Variants in ZDHHC7 observed in about 807,000 individuals in gnomAD.
ZDHHC7 encodes the protein zDHHC palmitoyltransferase 7.
In ZDHHC7, 12 loss-of-function variants were observed where a neutral mutation model predicts 34.1. The ratio of observed to expected loss-of-function variants is 0.35; its 90% CI spans 0.23 to 0.57. ZDHHC7 has a LOEUF of 0.57. Ranked by LOEUF, ZDHHC7 falls within the 20% of genes least tolerant of loss-of-function variation. The pLI, the probability that ZDHHC7 is intolerant of heterozygous loss-of-function variation, is 0.84. For synonymous variants in ZDHHC7, 185 were observed against 155.4 expected, an observed-to-expected ratio of 1.19 and a Z score of -1.42; for missense variants, 388 against 402.7, an observed-to-expected ratio of 0.96 and a Z score of 0.31.
At chr16:85,000,208 G>A (rs1317094815) in intron 1 of ZDHHC7, among the ~76,000 whole-genome samples, 1 of 152,122 alleles carries the variant, frequency 6.6e-6, no homozygotes, top group Non-Finnish European at 1.5e-5. Flanking sequence ...AACATGAGCA[G>A]GAGAAAAAAT....
At chr16:85,006,091 T>TGGC (rs1567507029) in intron 1 of ZDHHC7, among the ~76,000 whole-genome samples, 1 of 152,046 alleles carries the variant, frequency 6.6e-6, no homozygotes, top group African/African-American at 2.4e-5. Flanking sequence ...AGGCCAGAGG[T>TGGC]GGCGGCTCAC....
At chr16:85,007,644 C>T (rs2072735708) in intron 1 of ZDHHC7, among the ~76,000 whole-genome samples, 1 of 151,906 alleles carries the variant, frequency 6.6e-6, no homozygotes, top group African/African-American at 2.4e-5. Context: ...GTCTCTTCCT[C>T]AGAGGCAAAG....
upstream of ZDHHC7, among the ~76,000 whole-genome samples, chr16:85,013,660 C>T (rs2072822196): frequency 6.6e-6 from 1 of 151,988 alleles, no homozygotes; most frequent in Non-Finnish European, 1.5e-5. Context: ...TAATAAACTT[C>T]TGTTTTTCTC....
chr16:85,009,663 A>C (rs1054427190), intron 1 of ZDHHC7, among the ~76,000 whole-genome samples: 9 of 151,886 alleles, frequency 5.9e-5, no homozygotes, highest in Non-Finnish European at 1.2e-4. Context: ...TCCATATTTC[A>C]AATATCCCAA....
At chr16:85,009,738 T>C (rs2072764540) in intron 1 of ZDHHC7, among the ~76,000 whole-genome samples, 1 of 146,364 alleles carries the variant, frequency 6.8e-6, no homozygotes, top group Non-Finnish European at 1.5e-5. Context: ...AGACGGAGTC[T>C]TGCTCTGTCG....
intron 2 of ZDHHC7, among the ~76,000 whole-genome samples, chr16:84,994,160 G>A (rs1283565937): frequency 6.6e-6 from 1 of 152,174 alleles, no homozygotes; most frequent in Non-Finnish European, 1.5e-5. Flanking sequence ...GCCCCTCCAG[G>A]GGGGTCTGGG....
chr16:85,004,679 C>T (rs1283068969), intron 1 of ZDHHC7, among the ~76,000 whole-genome samples: 3 of 145,496 alleles, frequency 2.1e-5, no homozygotes, highest in Non-Finnish European at 3.1e-5. Flanking sequence ...CCAGCACTCC[C>T]GGGTTCACCA....
chr16:84,988,072 A>T (rs1313692093), intron 3 of ZDHHC7, among the ~76,000 whole-genome samples: 1 of 152,200 alleles, frequency 6.6e-6, no homozygotes, highest in African/African-American at 2.4e-5. Context: ...CGGAAGGCTG[A>T]GGCAGGAGAA....
intron 2 of ZDHHC7, among the ~76,000 whole-genome samples, chr16:84,994,361 T>C (rs1442909736): frequency 6.6e-6 from 1 of 152,232 alleles, no homozygotes; most frequent in Non-Finnish European, 1.5e-5. Context: ...GGCCGTAAGC[T>C]GAAAAATTCC....
the ZDHHC7 span, among the ~76,000 whole-genome samples, chr16:85,026,159 A>G: frequency 5.3e-5 from 8 of 152,188 alleles, no homozygotes; most frequent in Admixed American, 5.2e-4. Flanking sequence ...ACAGCTGGTA[A>G]TGCAAGGGCA....
intron 1 of ZDHHC7, among the ~76,000 whole-genome samples, chr16:85,008,170 T>C (rs2072742603): frequency 6.6e-6 from 1 of 152,062 alleles, no homozygotes; most frequent in Non-Finnish European, 1.5e-5. Context: ...AAAAGAGGTC[T>C]GCCCTTTGTC....
At chr16:85,023,290 C>T in the ZDHHC7 span, among the ~76,000 whole-genome samples, 1,784 of 152,024 alleles carry the variant, frequency 0.012, 35 homozygotes, top group African/African-American at 0.034. Context: ...CCTCCACCTC[C>T]GGAGTAGCTG....
chr16:84,977,311 C>CA (rs2072311103), intron 6 of ZDHHC7, 86 bp from the exon 7 acceptor site: 1 of 1,532,658 alleles, frequency 6.5e-7, no homozygotes, highest in Non-Finnish European at 8.8e-7. Flanking sequence ...CCTCTAGGGC[C>CA]AGCCCCTGGC....
intron 1 of ZDHHC7, among the ~76,000 whole-genome samples, chr16:85,008,700 A>T (rs2072749888): frequency 6.6e-6 from 1 of 151,944 alleles, no homozygotes; most frequent in Non-Finnish European, 1.5e-5. Flanking sequence ...GGAATAAGAT[A>T]TTTCAGTGAA....
chr16:84,979,113 T>G (rs2072334904), intron 5 of ZDHHC7, 76 bp downstream of exon 5: 22 of 1,426,294 alleles, frequency 1.5e-5, no homozygotes, highest in Middle Eastern at 2.4e-4. Flanking sequence ...GTTAGTAGAT[T>G]TCTCTGCTCC....
the ZDHHC7 span, among the ~76,000 whole-genome samples, chr16:85,022,916 C>G: frequency 2.0e-5 from 3 of 152,126 alleles, no homozygotes; most frequent in Admixed American, 1.3e-4. Context: ...CTGGCCTGCA[C>G]TCTTAGTCAA....
intron 2 of ZDHHC7, among the ~76,000 whole-genome samples, chr16:84,994,793 G>C (rs1488607492): frequency 1.3e-5 from 2 of 152,190 alleles, no homozygotes; most frequent in African/African-American, 2.4e-5. Flanking sequence ...TCCATTAGAA[G>C]TCAACAGGAA....
intron 1 of ZDHHC7, among the ~76,000 whole-genome samples, chr16:85,010,816 G>A (rs1482803957): frequency 3.3e-5 from 5 of 152,212 alleles, no homozygotes; most frequent in Non-Finnish European, 1.5e-5. Flanking sequence ...GAGCAGGAGG[G>A]AAGATAACTA....
intron 1 of ZDHHC7, among the ~76,000 whole-genome samples, chr16:85,004,247 G>A (rs1275149310): frequency 6.6e-6 from 1 of 151,378 alleles, no homozygotes; most frequent in African/African-American, 2.4e-5. Context: ...TCCACATCTA[G>A]CTGATCAGCA....
Sources: allele counts gnomAD v4.1 joint callset (sites outside exome capture counted in the v4.1 genomes callset), GRCh38; gene constraint gnomAD v4.1.1; transcripts MANE v1.5; gene names NCBI Gene and HGNC (gene_info 2026-07-23, HGNC 2026-07-21).